The following PLCH1 variants were observed in gnomAD, a reference collection of about 807,000 sequenced individuals.
The protein encoded by PLCH1 is 1-phosphatidylinositol 4,5-bisphosphate phosphodiesterase eta-1.
In PLCH1, 60 loss-of-function variants were observed where a neutral mutation model predicts 126.7. That is an observed-to-expected ratio of 0.47 (90% confidence interval 0.38 to 0.59). The LOEUF (loss-of-function observed/expected upper bound fraction) is 0.59. Among genes scored for constraint, PLCH1 ranks in the 20% least tolerant of loss-of-function variants. The pLI is 0.00. For missense variants in PLCH1, 1,723 were observed against 2,040.0 expected (o/e 0.84, Z 2.99); for synonymous variants, 719 against 734.9 (o/e 0.98, Z 0.35).
At chr3:155,630,628 G>C (rs10936013) in intron 2 of PLCH1, among the ~76,000 whole-genome samples, 1 of 151,962 alleles carries the variant, frequency 6.6e-6, no homozygotes, top group South Asian at 2.1e-4. Flanking sequence ...TTCTGACTCC[G>C]GCACTGTAGT....
At chr3:155,500,564 C>A in intron 14 of PLCH1, 139 bp downstream of exon 14, 1 of 611,568 alleles carries the variant, frequency 1.6e-6, no homozygotes, top group African/African-American at 1.9e-5. Context: ...TCATATCCAG[C>A]TGTTCTTCAC....
chr3:155,453,143 G>C (rs1712351461), intron 21 of PLCH1, among the ~76,000 whole-genome samples: 1 of 152,086 alleles, frequency 6.6e-6, no homozygotes, highest in South Asian at 2.1e-4. Flanking sequence ...TTGCCAACAA[G>C]GCATAATCTG....
intron 21 of PLCH1, among the ~76,000 whole-genome samples, chr3:155,458,500 G>GAGAGAGAAA (rs1712571192): frequency 1.1e-5 from 1 of 93,854 alleles, no homozygotes; most frequent in African/African-American, 7.4e-5. Flanking sequence ...GAAAGAAAGA[G>GAGAGAGAAA]AAAGAAGAGA....
chr3:155,729,361 C>T (rs542719512), intron 1 of PLCH1, among the ~76,000 whole-genome samples: 2 of 152,188 alleles, frequency 1.3e-5, no homozygotes, highest in Non-Finnish European at 2.9e-5. Flanking sequence ...CATCATCTCT[C>T]CTCCTTTCAA....
chr3:155,606,472 C>A (rs1341325643), intron 2 of PLCH1, among the ~76,000 whole-genome samples: 2 of 152,130 alleles, frequency 1.3e-5, no homozygotes, highest in African/African-American at 4.8e-5. Context: ...AAACTTTCAG[C>A]CTTGGTGTGT....
At chr3:155,688,687 C>T (rs937593355) in intron 2 of PLCH1, among the ~76,000 whole-genome samples, 2 of 152,140 alleles carry the variant, frequency 1.3e-5, no homozygotes, top group African/African-American at 4.8e-5. Flanking sequence ...GGGTCCCAGG[C>T]CTGTCAGCAT....
chr3:155,697,977 A>G (rs1745961080), intron 2 of PLCH1, among the ~76,000 whole-genome samples: 1 of 152,188 alleles, frequency 6.6e-6, no homozygotes, highest in African/African-American at 2.4e-5. Context: ...TTCTCCTTCA[A>G]GGGGAAGGAG....
rs77882406 is a variant in PLCH1, at chr3:155,563,303, C to A, written c.1069+1612G>T. ...CTTCATTAAGTTCAGACATTGTTAT[C>A]CAAATGACTGATAAAGATGTCCACA... On this transcript the variant is annotated intron_variant, in intron 8 of 22. Coordinates refer to ENST00000460012, the MANE Select transcript of PLCH1 (RefSeq NM_014996.4). Among the ~76,000 whole-genome samples the A allele has an allele frequency of 1.5e-3, 235 of 152,240 alleles. 2 individuals carry two copies. The highest frequency in any genetic ancestry group is 5.3e-3 in the African/African-American group (220 of 41,536).
chr3:155,584,391 G>T (rs1731094727), intron 5 of PLCH1, among the ~76,000 whole-genome samples: 1 of 152,064 alleles, frequency 6.6e-6, no homozygotes, highest in East Asian at 1.9e-4. Flanking sequence ...TAAAGCCATG[G>T]GCATCCTTGG....
At position 155,741,688 on chromosome 3, in the gene PLCH1, T is replaced by TATTTTTTTTTTATTTTTA. The variant is rs199564497; in HGVS notation, c.-41+3151_-41+3152insTAAAAATAAAAAAAAAAT. 7.0e-5 allele frequency among the ~76,000 whole-genome samples: 10 copies of TATTTTTTTTTTATTTTTA among 142,950 alleles called. No individual in the cohort carries two copies. The East Asian group carries it at 8.0e-4, about 11-fold the overall frequency. The allele number at this position is 142,950 out of a possible 152,430, so 93.8% of individuals were successfully genotyped here. ...TTTATCATAATTTTATATCCTCTTT[T>TATTTTTTTTTTATTTTTA]TTTTTTTTTTTTTTTTGTTCAGGGA... On this transcript the variant is annotated intron_variant, in intron 1 of 22. Coordinates refer to ENST00000460012, the MANE Select transcript of PLCH1 (RefSeq NM_014996.4).
chr3:155,684,312 A>C (rs1393623336), intron 2 of PLCH1, among the ~76,000 whole-genome samples: 1 of 152,160 alleles, frequency 6.6e-6, no homozygotes, highest in African/African-American at 2.4e-5. Flanking sequence ...TAGATTATTG[A>C]ACACAACAGC....
intron 2 of PLCH1, among the ~76,000 whole-genome samples, chr3:155,693,816 G>C (rs1745595214): frequency 1.3e-5 from 2 of 152,014 alleles, no homozygotes; most frequent in African/African-American, 4.8e-5. Flanking sequence ...TGTAATCCCA[G>C]CTCCTTGAGA....
chr3:155,652,495 T>G (rs1029068723), intron 2 of PLCH1, among the ~76,000 whole-genome samples: 3 of 152,188 alleles, frequency 2.0e-5, no homozygotes, highest in Admixed American at 6.5e-5. Flanking sequence ...CGTGTGTGTG[T>G]GGGACCTTGT....
At chr3:155,610,712 C>T (rs1577134868) in intron 2 of PLCH1, among the ~76,000 whole-genome samples, 1 of 152,064 alleles carries the variant, frequency 6.6e-6, no homozygotes, top group East Asian at 1.9e-4. Context: ...CTAAAAGGAG[C>T]TCTAAAACTT....
At chr3:155,534,348 G>C (rs1338369021) in intron 10 of PLCH1, among the ~76,000 whole-genome samples, 1 of 152,216 alleles carries the variant, frequency 6.6e-6, no homozygotes. Context: ...TGCCCTGTTG[G>C]ATTTTGGACT....
chr3:155,610,383 A>C (rs1282964761), intron 2 of PLCH1, among the ~76,000 whole-genome samples: 4 of 150,236 alleles, frequency 2.7e-5, no homozygotes, highest in African/African-American at 4.9e-5. Flanking sequence ...AAAAAAAAAA[A>C]AAAAAACCAT....
chr3:155,582,712 C>A lies in PLCH1; in HGVS notation c.771+760G>T, dbSNP rs138524608. Among the ~76,000 whole-genome samples, 452 of 152,208 alleles carry A rather than the reference C, an allele frequency of 3.0e-3. 3 individuals carry two copies. Among genetic ancestry groups the A allele is most frequent in the African/African-American group, 0.01 (422 of 41,528 alleles). On this transcript the variant is annotated intron_variant, in intron 6 of 22. Transcript: ENST00000460012. ...GAGAATTAAAAGTAAACCTCATCAA[C>A]TGCACAAAACCAAAGCCTCCTCTCA...
rs1713793479 is a variant in PLCH1 at position 155,480,171 on chromosome 3, G to A, written c.*797C>T. ...CTATTATCATTAGAGTCTGATGGAA[G>A]TCCCTCATTCTGAAAGCCGTTGTTC... is the stretch of plus-strand genomic sequence containing the variant. On this transcript the variant is annotated 3_prime_UTR_variant, in exon 23 of 23. Coordinates refer to ENST00000460012, the MANE Select transcript of PLCH1 (RefSeq NM_014996.4). 1 of 152,622 alleles carries A rather than the reference G, an allele frequency of 6.6e-6. No homozygotes were observed. The highest frequency in any genetic ancestry group is 2.4e-5 in the African/African-American group (1 of 41,456). The allele number at this position is 152,622 out of a possible 1,614,324, so 9.5% of individuals were successfully genotyped here.
intron 6 of PLCH1, among the ~76,000 whole-genome samples, chr3:155,578,516 C>T (rs1469796313): frequency 6.6e-6 from 1 of 152,052 alleles, no homozygotes; most frequent in Admixed American, 6.6e-5. Flanking sequence ...ATCCAGGGGC[C>T]CAACAATAGT....
Sources: gnomAD v4.1 joint callset for allele counts (sites outside exome capture counted in the v4.1 genomes callset) on GRCh38, gnomAD v4.1.1 for gene constraint, MANE v1.5 for transcripts, NCBI Gene and HGNC (gene_info 2026-07-23, HGNC 2026-07-21) for gene names.